The following WWP2 variants were observed in gnomAD, a reference collection of about 807,000 sequenced individuals.
The protein encoded by WWP2 is NEDD4-like E3 ubiquitin-protein ligase WWP2.
A neutral mutation model predicts 121.0 loss-of-function variants in WWP2; 57 were observed. That is an observed-to-expected ratio of 0.47 (90% CI 0.38 to 0.59). The LOEUF is 0.59. Among genes scored for constraint, WWP2 ranks in the 20% least tolerant of loss-of-function variants. The pLI is 0.00. For missense variants in WWP2, 962 were observed against 1,158.9 expected (o/e 0.83, Z 2.47); for synonymous variants, 449 against 441.3 (o/e 1.02, Z -0.22).
chr16:69,936,970 C>G, intron 19 of WWP2, 148 bp from the exon 20 acceptor site: 1 of 1,132,724 alleles, frequency 8.8e-7, no homozygotes, highest in Non-Finnish European at 1.2e-6. Context: ...GGGCCTCACT[C>G]TAGGTCCTCC....
At chr16:69,765,717 G>A (rs978449940) in intron 1 of WWP2, among the ~76,000 whole-genome samples, 9 of 152,114 alleles carry the variant, frequency 5.9e-5, no homozygotes, top group African/African-American at 1.4e-4. Context: ...CCAGCTACTC[G>A]GGAGGCTGAG....
intron 4 of WWP2, among the ~76,000 whole-genome samples, chr16:69,812,366 T>C (rs574150326): frequency 1.8e-4 from 27 of 151,800 alleles, no homozygotes; most frequent in Middle Eastern, 3.4e-3. Context: ...GGTTTCATCA[T>C]GTTGGCCAGG....
In WWP2 at chr16:69,935,120, G is replaced by A. The variant is rs2058776946; in HGVS notation, c.1843-733G>A. Among the ~76,000 whole-genome samples the A allele has an allele frequency of 6.6e-6, 1 of 152,206 alleles. No homozygotes were observed. The highest frequency in any genetic ancestry group is 1.5e-5 in the Non-Finnish European group (1 of 68,032). On this transcript the variant is annotated intron_variant, in intron 17 of 23. Transcript: ENST00000359154. The surrounding 1 kb of genome is among the most constrained non-coding windows in gnomAD (Gnocchi z 5.2). ...GGATTGAGAAGCGGAGCCCGTGGGA[G>A]GCACAGCGCGGGAGCCACATGCATA...
At chr16:69,874,453 T>C (rs774402909) in intron 7 of WWP2, among the ~76,000 whole-genome samples, 5 of 152,178 alleles carry the variant, frequency 3.3e-5, no homozygotes, top group Non-Finnish European at 7.3e-5. Context: ...TAGCAGCCTT[T>C]TTTGGCTGCG....
intron 6 of WWP2, among the ~76,000 whole-genome samples, chr16:69,864,003 A>G (rs2057474091): frequency 6.6e-6 from 1 of 152,224 alleles, no homozygotes; most frequent in African/African-American, 2.4e-5. Flanking sequence ...GGCGCTTACA[A>G]GCAAAGCCTC....
chr16:69,807,282 G>A (rs966543604), intron 4 of WWP2, among the ~76,000 whole-genome samples: 5 of 152,072 alleles, frequency 3.3e-5, no homozygotes, highest in Non-Finnish European at 5.9e-5. Context: ...TGATCCACCT[G>A]CCTCAGTCTC....
chr16:69,933,277 C>G (rs1159701302), intron 16 of WWP2: 1 of 375,608 alleles, frequency 2.7e-6, no homozygotes, highest in African/African-American at 2.1e-5. Context: ...TTAGCTCAAG[C>G]CCAAAAGGAC....
chr16:69,897,103 T>G (rs921074878), intron 8 of WWP2, among the ~76,000 whole-genome samples: 1 of 152,004 alleles, frequency 6.6e-6, no homozygotes, highest in African/African-American at 2.4e-5. Flanking sequence ...TCTTTTTTTT[T>G]TTGTTTGTGT....
At chr16:69,843,583 G>A (rs116734772) in intron 6 of WWP2, among the ~76,000 whole-genome samples, 1,755 of 152,094 alleles carry the variant, frequency 0.012, 30 homozygotes, top group African/African-American at 0.04. Context: ...CTTCCCAAAC[G>A]AGGCCAGGCA....
At chr16:69,897,080 A>G (rs891578571) in intron 8 of WWP2, among the ~76,000 whole-genome samples, 10 of 151,310 alleles carry the variant, frequency 6.6e-5, no homozygotes, top group African/African-American at 2.4e-4. Context: ...CATTTGCTAC[A>G]GGTCTCTCCC....
chr16:69,883,673 T>C (rs1567405301), intron 7 of WWP2, among the ~76,000 whole-genome samples: 1 of 152,138 alleles, frequency 6.6e-6, no homozygotes, highest in African/African-American at 2.4e-5. Context: ...ACCCATCACC[T>C]AGGTATTAAG....
chr16:69,933,451 G>A (rs1457452283), intron 16 of WWP2, among the ~76,000 whole-genome samples: 1 of 152,204 alleles, frequency 6.6e-6, no homozygotes. Context: ...TCTGAAGGCA[G>A]CATGGATTAC....
chr16:69,891,916 C>T (rs898223910), intron 8 of WWP2, among the ~76,000 whole-genome samples: 4 of 152,246 alleles, frequency 2.6e-5, no homozygotes, highest in African/African-American at 9.6e-5. Context: ...TCATCAAGCC[C>T]TGCCTCTGGG....
At chr16:69,917,218 A>G (rs1361753755) in intron 9 of WWP2, among the ~76,000 whole-genome samples, 2 of 152,222 alleles carry the variant, frequency 1.3e-5, no homozygotes, top group South Asian at 4.1e-4. Flanking sequence ...CTACTCAACA[A>G]TATCACCAAG....
Position 69,937,197 on chromosome 16 carries a change from C to G in WWP2, c.2197C>G (p.Pro733Ala). The change falls in exon 20 of 24, where the codon CCG becomes GCG. Residue 733 changes from proline to alanine, a missense_variant. Around this residue, in one of 3 missense-constraint regions of WWP2, gnomAD observed 606 missense variants for 772.6 expected, o/e 0.78. Coordinates refer to ENST00000359154, the MANE Select transcript of WWP2 (RefSeq NM_001270454.2). This position sits in a 1 kb window ranked among gnomAD's most constrained non-coding sequence, Gnocchi z 6.6. ...AFLDGFNEVAPLEWLRYFDEK... is the reference protein window; with the variant it reads ...AFLDGFNEVAALEWLRYFDEK... ...CCTGGATGGCTTCAACGAGGTGGCC[C>G]CGCTGGAGTGGCTGCGCTACTTTGA... The G allele has an allele frequency of 6.2e-7, 1 of 1,613,898 alleles. No homozygotes were observed. The highest frequency in any genetic ancestry group is 8.5e-7 in the Non-Finnish European group (1 of 1,179,998).
At chr16:69,815,744 C>T (rs2056477188) in intron 4 of WWP2, among the ~76,000 whole-genome samples, 1 of 150,896 alleles carries the variant, frequency 6.6e-6, no homozygotes, top group African/African-American at 2.4e-5. Context: ...CCGAGATCGC[C>T]CCATTGCACT....
intron 7 of WWP2, among the ~76,000 whole-genome samples, chr16:69,874,687 G>A (rs150956103): frequency 2.6e-5 from 4 of 152,088 alleles, no homozygotes; most frequent in African/African-American, 7.2e-5. Context: ...TGATTTACTT[G>A]CTAATTCTTT....
chr16:69,835,820 T>TTGC (rs2056866693), intron 4 of WWP2, among the ~76,000 whole-genome samples: 7 of 151,174 alleles, frequency 4.6e-5, no homozygotes, highest in South Asian at 4.2e-4. Context: ...TTTTTTTTTT[T>TTGC]GAGACAGAGT....
rs1008340000 is a variant in WWP2 at position 69,871,900 on chromosome 16, C to T, written c.672C>T (p.Asn224=). ...GCCGGCACCGCCAGCCCGTCAAGAA[C>T]TCAGGCCACAGTGGCTTGGCCAATG... is the stretch of plus-strand genomic sequence containing the variant. The part of the protein sequence containing the change: ...ARSRHRQPVK[N]SGHSGLANGT... The change falls in exon 7 of 24, where the codon AAC becomes AAT. Residue 224 remains asparagine, a synonymous_variant. Transcript: ENST00000359154. 6.2e-7 allele frequency: 1 copy of T among 1,614,102 alleles called. No individual in the cohort carries two copies. Among genetic ancestry groups the T allele is most frequent in the Middle Eastern group, 1.6e-4 (1 of 6,062 alleles).
Sources: allele counts gnomAD v4.1 joint callset (sites outside exome capture counted in the v4.1 genomes callset), GRCh38; gene constraint gnomAD v4.1.1; regional missense constraint gnomAD v4.1.1; non-coding constraint Gnocchi (gnomAD v3.1); transcripts MANE v1.5; gene names NCBI Gene and HGNC (gene_info 2026-07-23, HGNC 2026-07-21).